Variants in FGFR3 observed in about 807,000 individuals in gnomAD.
FGFR3 encodes FGFR-3.
Under a neutral mutation model 82.9 loss-of-function variants are expected in FGFR3, and 25 were observed. The ratio of observed to expected loss-of-function variants is 0.30; its 90% CI spans 0.22 to 0.42. FGFR3 has a LOEUF of 0.42. Among genes scored for constraint, FGFR3 ranks in the 10% least tolerant of loss-of-function variants. The pLI is 1.00. For missense variants in FGFR3, 1,026 were observed against 1,161.0 expected, an observed-to-expected ratio of 0.88 and a Z score of 1.69; for synonymous variants, 620 against 516.0, an observed-to-expected ratio of 1.20 and a Z score of -2.73.
In FGFR3 at chr4:1,804,972, C is replaced by A; in HGVS notation, c.1412+3C>A. On this transcript the variant is annotated splice_donor_region_variant and intron_variant, in intron 10 of 17. Coordinates refer to ENST00000440486, the MANE Select transcript of FGFR3 (RefSeq NM_000142.5). Reference sequence around the variant, plus strand: ...AAATGGGAGCTGTCTCGGGCCCGGTCAGTGGTGCTGAGGGCCAGCGTTGGC... The same window carrying A: ...AAATGGGAGCTGTCTCGGGCCCGGTAAGTGGTGCTGAGGGCCAGCGTTGGC... 1 of 1,548,276 alleles carries A rather than the reference C, an allele frequency of 6.5e-7. No individual in the cohort carries two copies. The highest frequency in any genetic ancestry group is 1.2e-5 in the South Asian group (1 of 83,926).
intron 16 of FGFR3, 47 bp downstream of exon 16, chr4:1,806,730 C>A (rs1440033566): frequency 6.2e-7 from 1 of 1,607,216 alleles, no homozygotes; most frequent in Non-Finnish European, 8.5e-7. Flanking sequence ...GGGTGGGGGT[C>A]CCTCCGGGGC....
At chr4:1,804,151 G>C (rs938379564) in intron 8 of FGFR3, among the ~76,000 whole-genome samples, 179 bp from the exon 9 acceptor site, 16 of 152,198 alleles carry the variant, frequency 1.1e-4, no homozygotes, top group African/African-American at 3.4e-4. Flanking sequence ...TTCTCTCCAG[G>C]GTCTGGCCCT....
At chr4:1,797,701 C>G (rs1720680386) in intron 2 of FGFR3, among the ~76,000 whole-genome samples, 1 of 152,200 alleles carries the variant, frequency 6.6e-6, no homozygotes, top group Non-Finnish European at 1.5e-5. Flanking sequence ...GGCTGGAGGT[C>G]AGGCCAGGAG....
At chr4:1,802,520 C>A (rs1412924843) in intron 7 of FGFR3, among the ~76,000 whole-genome samples, 2 of 152,172 alleles carry the variant, frequency 1.3e-5, no homozygotes, top group African/African-American at 4.8e-5. Flanking sequence ...GGGACGGTTG[C>A]GACACTCAAA....
At position 1,808,487 on chromosome 4, in the gene FGFR3, G is replaced by C. The variant is rs1280607668; in HGVS notation, c.*1225G>C. Reference sequence around the variant, plus strand: ...CAGGCAGGGAGACGGTTTCCAGGGAGGGGCCGGCCCTGTGTGCAGGTTCCG... The same window carrying C: ...CAGGCAGGGAGACGGTTTCCAGGGACGGGCCGGCCCTGTGTGCAGGTTCCG... On this transcript the variant is annotated 3_prime_UTR_variant, in exon 18 of 18. Coordinates refer to ENST00000440486, the MANE Select transcript of FGFR3 (RefSeq NM_000142.5). The C allele has an allele frequency of 4.3e-6, 1 of 232,160 alleles. No individual in the cohort carries two copies. The highest frequency in any genetic ancestry group is 8.5e-6 in the Non-Finnish European group (1 of 117,174). The allele number at this position is 232,160 out of a possible 1,614,324, so 14.4% of individuals were successfully genotyped here.
At position 1,806,620 on chromosome 4, in the gene FGFR3, A is replaced by T. The variant is rs2108812073; in HGVS notation, c.2105A>T (p.Glu702Val). 2 of 1,612,982 alleles carry T rather than the reference A, an allele frequency of 1.2e-6. No individual in the cohort carries two copies. Among genetic ancestry groups the T allele is most frequent in the Non-Finnish European group, 1.7e-6 (2 of 1,179,902 alleles). ...CCGTACCCCGGCATCCCTGTGGAGG[A>T]GCTCTTCAAGCTGCTGAAGGAGGGC... ...GSPYPGIPVE[E>V]LFKLLKEGHR... The change falls in exon 16 of 18, where the codon GAG becomes GTG. Residue 702 changes from glutamate (E) to valine (V), a missense_variant. Glu to Val is a moderately radical substitution (Grantham distance 121). Coordinates refer to ENST00000440486, the MANE Select transcript of FGFR3 (RefSeq NM_000142.5).
chr4:1,794,727 G>A (rs1720266036), intron 2 of FGFR3, among the ~76,000 whole-genome samples: 1 of 152,084 alleles, frequency 6.6e-6, no homozygotes, highest in Non-Finnish European at 1.5e-5. Flanking sequence ...GGGAGGGGAA[G>A]GGGCGCCCGG....
chr4:1,795,392 G>A (rs1043547608), intron 2 of FGFR3, among the ~76,000 whole-genome samples: 34 of 152,108 alleles, frequency 2.2e-4, no homozygotes, highest in Admixed American at 3.3e-4. Flanking sequence ...GGCGCGCGGG[G>A]CCTCCCCCAG....
Position 1,804,777 on chromosome 4 carries a change from G to T in FGFR3, c.1267-47G>T. ...CACTGACCCCCGGCTGTACCTCCACGCCCTGTCGCCCACGCGGCGCCAACC... is the reference window on the plus strand; with the variant it reads ...CACTGACCCCCGGCTGTACCTCCACTCCCTGTCGCCCACGCGGCGCCAACC... On this transcript the variant is annotated intron_variant, in intron 9 of 17. Transcript: ENST00000440486. 3 of 1,547,952 alleles carry T rather than the reference G, an allele frequency of 1.9e-6. No individual in the cohort carries two copies. In the South Asian group the frequency reaches 3.6e-5, roughly 18 times the overall value.
chr4:1,802,515 G>GGTTGCGACACTC (rs1721319239), intron 7 of FGFR3, among the ~76,000 whole-genome samples: 1 of 152,224 alleles, frequency 6.6e-6, no homozygotes, highest in Non-Finnish European at 1.5e-5. Flanking sequence ...GAATTGGGAC[G>GGTTGCGACACTC]GTTGCGACAC....
Position 1,807,189 on chromosome 4 carries a change from CAG to C in FGFR3, c.2349_2350del (p.Asp785ArgfsTer31), listed in dbSNP as rs759113408. The C allele has an allele frequency of 6.2e-5, 100 of 1,606,996 alleles. No homozygotes were observed. The highest frequency in any genetic ancestry group is 7.0e-5 in the Non-Finnish European group (83 of 1,177,546). On this transcript the variant is annotated frameshift_variant, in exon 18 of 18. Transcript: ENST00000440486. LOFTEE classifies it low-confidence loss of function (END_TRUNC). Reference sequence around the variant, plus strand: ...CAGGACACCCCCAGCTCCAGCTCCTCAGGGGACGACTCCGTGTTTGCCCACGA... The same window carrying C: ...CAGGACACCCCCAGCTCCAGCTCCTCGGGACGACTCCGTGTTTGCCCACGA...
At chr4:1,805,530 C>G (rs545681485) in intron 11 of FGFR3, 29 bp from the exon 12 acceptor site, 4 of 1,612,742 alleles carry the variant, frequency 2.5e-6, no homozygotes, top group East Asian at 4.5e-5. Flanking sequence ...CCGCCGCCGC[C>G]TGACACAGGC....
At chr4:1,799,646 G>A (rs3135866) in intron 3 of FGFR3, 101 bp from the exon 4 acceptor site, 14 of 1,560,748 alleles carry the variant, frequency 9.0e-6, no homozygotes, top group Non-Finnish European at 1.2e-5. Context: ...GCACCCCCAG[G>A]AAGTGCTGCC....
chr4:1,805,045 C>T (rs368155255), intron 10 of FGFR3, 76 bp downstream of exon 10: 79 of 1,486,110 alleles, frequency 5.3e-5, no homozygotes, highest in African/African-American at 5.1e-4. Flanking sequence ...GTCAGAGGCC[C>T]GGCTGGGTTT....
At chr4:1,795,044 G>T (rs1330796095) in intron 2 of FGFR3, among the ~76,000 whole-genome samples, 1 of 151,768 alleles carries the variant, frequency 6.6e-6, no homozygotes, top group Non-Finnish European at 1.5e-5. Context: ...GGCCGAGGCA[G>T]ATGGCGTCCG....
intron 9 of FGFR3, 77 bp from the exon 10 acceptor site, chr4:1,804,747 C>T (rs2108799341): frequency 6.5e-7 from 1 of 1,533,370 alleles, no homozygotes. Flanking sequence ...CCCCTTCTGG[C>T]CCAGCACTGA....
chr4:1,804,110 G>A (rs1043906518), intron 8 of FGFR3, among the ~76,000 whole-genome samples: 4 of 152,224 alleles, frequency 2.6e-5, no homozygotes, highest in Non-Finnish European at 2.9e-5. Flanking sequence ...GCCTGGTGGC[G>A]GTGTGGGACT....
At chr4:1,802,678 C>T (rs1191204507) in intron 7 of FGFR3, among the ~76,000 whole-genome samples, 4 of 152,154 alleles carry the variant, frequency 2.6e-5, no homozygotes, top group Admixed American at 2.0e-4. Flanking sequence ...CGGGGGAGGG[C>T]AGGCCAGTGA....
Position 1,807,645 on chromosome 4 carries a change from A to G in FGFR3, c.*383A>G. The G allele has an allele frequency of 1.6e-6, 1 of 637,412 alleles. No homozygotes were observed. The highest frequency in any genetic ancestry group is 3.0e-6 in the Non-Finnish European group (1 of 335,368). The allele number at this position is 637,412 out of a possible 1,614,324, so 39.5% of individuals were successfully genotyped here. A position where few individuals can be genotyped will look rare whatever the true frequency, so the allele number is the denominator to read the frequency against. ...CCGGCCTCTGCCTTTGCACCACGGG[A>G]CATCACAGGGTGGGCCTCGGCCCCT... On this transcript the variant is annotated 3_prime_UTR_variant, in exon 18 of 18. Coordinates refer to ENST00000440486, the MANE Select transcript of FGFR3 (RefSeq NM_000142.5).
Sources: allele counts gnomAD v4.1 joint callset (sites outside exome capture counted in the v4.1 genomes callset), GRCh38; gene constraint gnomAD v4.1.1; transcripts MANE v1.5; gene names NCBI Gene and HGNC (gene_info 2026-07-23, HGNC 2026-07-21).